The following SPEF2 variants were observed in gnomAD, a reference collection of about 807,000 sequenced individuals.
SPEF2 encodes sperm flagellar and cilia associated 2.
In SPEF2, 187 loss-of-function variants were observed where a neutral mutation model predicts 224.6. The observed-to-expected ratio is 0.83, with a 90% CI of 0.74 to 0.94. SPEF2 has a LOEUF of 0.94. SPEF2 is among the 40% of genes least tolerant of loss of function. The pLI, the probability that SPEF2 is intolerant of heterozygous loss-of-function variation, is 0.00. For missense variants in SPEF2, 2,170 were observed against 2,135.6 expected, an observed-to-expected ratio of 1.02 and a Z score of -0.32; for synonymous variants, 715 against 707.3, an observed-to-expected ratio of 1.01 and a Z score of -0.17.
chr5:35,805,682 G>A (rs1429522477), intron 34 of SPEF2, among the ~76,000 whole-genome samples: 1 of 152,180 alleles, frequency 6.6e-6, no homozygotes, highest in Non-Finnish European at 1.5e-5. Context: ...AATGTAAGAA[G>A]CACAAAGCAA....
intron 7 of SPEF2, among the ~76,000 whole-genome samples, chr5:35,655,479 G>A (rs1005672611): frequency 6.6e-6 from 1 of 152,202 alleles, no homozygotes; most frequent in Non-Finnish European, 1.5e-5. Flanking sequence ...GTACATTGGA[G>A]TGTGAAAGTT....
intron 8 of SPEF2, 64 bp downstream of exon 8, chr5:35,659,271 G>C: frequency 6.9e-7 from 1 of 1,454,394 alleles, no homozygotes; most frequent in Non-Finnish European, 9.2e-7. Flanking sequence ...CCAAGTCGTG[G>C]TAAACAAAGC....
At position 35,704,592 on chromosome 5, in the gene SPEF2, A is replaced by G; in HGVS notation, c.2437A>G (p.Ser813Gly). ...LSYKTAHEDI[S>G]QRVAAENQDK... ...CTATAAAACTGCTCACGAAGATATCAGTCAACGTGTAGCTGCTGAAAACCA... is the reference window on the plus strand; with the variant it reads ...CTATAAAACTGCTCACGAAGATATCGGTCAACGTGTAGCTGCTGAAAACCA... Residue 813 changes from serine to glycine, a missense_variant, in exon 17 of 37, where the codon AGT becomes GGT. Coordinates refer to ENST00000356031, the MANE Select transcript of SPEF2 (RefSeq NM_024867.4). 7 of 1,612,894 alleles carry G rather than the reference A, an allele frequency of 4.3e-6. No homozygotes were observed. The highest frequency in any genetic ancestry group is 5.9e-6 in the Non-Finnish European group (7 of 1,179,288).
chr5:35,696,076 C>T (rs1049315768), intron 14 of SPEF2, among the ~76,000 whole-genome samples: 12 of 152,132 alleles, frequency 7.9e-5, no homozygotes, highest in African/African-American at 2.4e-4. Flanking sequence ...TTCATCTTTA[C>T]CATTTAATTT....
At chr5:35,649,107 C>T (rs916226564) in intron 5 of SPEF2, among the ~76,000 whole-genome samples, 1 of 151,878 alleles carries the variant, frequency 6.6e-6, no homozygotes, top group East Asian at 1.9e-4. Flanking sequence ...TAATGAAATG[C>T]CCTTTGGTGC....
chr5:35,670,041 C>CTT lies in SPEF2; in HGVS notation c.1356-11_1356-10dup. The stretch of plus-strand genomic sequence containing the variant: ...TGACTAACCATTGATTCATCTCTAC[C>CTT]TTTTTTTTGTGCGATAGTCTGATTC... On this transcript the variant is annotated splice_polypyrimidine_tract_variant and intron_variant, in intron 9 of 36. Transcript: ENST00000356031. 1 of 1,567,190 alleles carries CTT rather than the reference C, an allele frequency of 6.4e-7. No homozygotes were observed. The highest frequency in any genetic ancestry group is 2.3e-5 in the East Asian group (1 of 43,424).
intron 2 of SPEF2, 64 bp from the exon 3 acceptor site, chr5:35,641,367 A>G (rs1746597362): frequency 6.7e-7 from 1 of 1,497,342 alleles, no homozygotes. Context: ...AATATGTCTG[A>G]TATTTGTTGT....
At chr5:35,646,912 A>C (rs1211158657) in intron 5 of SPEF2, 105 bp downstream of exon 5, 4 of 1,228,560 alleles carry the variant, frequency 3.3e-6, no homozygotes, top group Non-Finnish European at 4.5e-6. Flanking sequence ...TTTGCTTTCC[A>C]AATTATCTCT....
At chr5:35,806,314 T>C in intron 34 of SPEF2, among the ~76,000 whole-genome samples, 1 of 152,238 alleles carries the variant, frequency 6.6e-6, no homozygotes, top group African/African-American at 2.4e-5. Context: ...TTAGAATCTG[T>C]CAAGCTAGAG....
chr5:35,640,148 T>C (rs534556040), intron 2 of SPEF2, among the ~76,000 whole-genome samples: 4 of 152,214 alleles, frequency 2.6e-5, no homozygotes, highest in Non-Finnish European at 5.9e-5. Flanking sequence ...AAGAGAAAAC[T>C]CTTCTCTCTT....
intron 36 of SPEF2, chr5:35,808,091 A>T (rs898678550): frequency 2.1e-5 from 21 of 1,019,982 alleles, no homozygotes; most frequent in Non-Finnish European, 2.5e-5. Flanking sequence ...TACATTTTGC[A>T]GTTTTCTTCC....
At chr5:35,764,988 G>A (rs535701760) in intron 26 of SPEF2, among the ~76,000 whole-genome samples, 46 of 152,224 alleles carry the variant, frequency 3.0e-4, no homozygotes, top group Non-Finnish European at 5.3e-4. Flanking sequence ...AATACTCATG[G>A]CACCACTACC....
At position 35,779,104 on chromosome 5, in the gene SPEF2, T is replaced by C; in HGVS notation, c.4218-13T>C. ...TTTCATGGGGTTAACGCTATCCATT[T>C]TACCACTTTCAGTACAGAAAAATTA... On this transcript the variant is annotated splice_polypyrimidine_tract_variant and intron_variant, in intron 29 of 36. Transcript: ENST00000356031. The C allele has an allele frequency of 6.3e-7, 1 of 1,599,938 alleles. No individual in the cohort carries two copies. The highest frequency in any genetic ancestry group is 8.5e-7 in the Non-Finnish European group (1 of 1,170,398).
intron 32 of SPEF2, among the ~76,000 whole-genome samples, chr5:35,793,759 C>CACACACACACACAT (rs1554059228): frequency 0.023 from 3,202 of 141,826 alleles, 188 homozygotes; most frequent in Middle Eastern, 0.028. Context: ...CACACACACA[C>CACACACACACACAT]ACACACACAG....
chr5:35,751,376 C>A (rs114105677), intron 23 of SPEF2, among the ~76,000 whole-genome samples: 1 of 150,624 alleles, frequency 6.6e-6, no homozygotes, highest in South Asian at 2.1e-4. Flanking sequence ...GTATACTGCT[C>A]ATGTGATGAG....
chr5:35,634,287 G>T (rs538633824), intron 2 of SPEF2, among the ~76,000 whole-genome samples: 2 of 152,132 alleles, frequency 1.3e-5, no homozygotes, highest in South Asian at 4.1e-4. Context: ...TTCTTGATTT[G>T]CAGTTTTTCT....
At position 35,793,189 on chromosome 5, in the gene SPEF2, A is replaced by C. The variant is rs763046133; in HGVS notation, c.4585A>C (p.Asn1529His). The change falls in exon 32 of 37, where the codon AAC (asparagine) becomes CAC (histidine). Residue 1529 changes from asparagine (N) to histidine (H), a missense_variant. Asn to His is a moderately conservative substitution (Grantham distance 68, BLOSUM62 1). Coordinates refer to ENST00000356031, the MANE Select transcript of SPEF2 (RefSeq NM_024867.4). ...LQELTSLLTV[N>H]SEFVDWRKFL... ...GGAATTAACATCTTTATTAACAGTC[A>C]ACTCCGAGTTCGTGGACTGGCGGAA... 3.1e-6 allele frequency: 5 copies of C among 1,613,952 alleles called. No homozygotes were observed. In the African/African-American group the frequency reaches 5.3e-5, roughly 17 times the overall value.
intron 13 of SPEF2, among the ~76,000 whole-genome samples, chr5:35,695,281 A>G (rs1352499749): frequency 6.8e-6 from 1 of 146,578 alleles, no homozygotes; most frequent in Admixed American, 6.8e-5. Context: ...TTTTTTTTTC[A>G]TAGAATTTAA....
At chr5:35,672,045 A>G (rs904808099) in intron 10 of SPEF2, among the ~76,000 whole-genome samples, 27 of 151,698 alleles carry the variant, frequency 1.8e-4, no homozygotes, top group African/African-American at 6.3e-4. Context: ...ACATACAAGT[A>G]AAAAATAAAT....
Sources: allele counts gnomAD v4.1 joint callset (sites outside exome capture counted in the v4.1 genomes callset), GRCh38; gene constraint gnomAD v4.1.1; transcripts MANE v1.5; gene names NCBI Gene and HGNC (gene_info 2026-07-23, HGNC 2026-07-21).